Variants in DCLK3 observed in about 807,000 individuals in gnomAD.
DCLK3 encodes the protein serine/threonine-protein kinase DCLK3.
DCLK3 carries 30 observed loss-of-function variants against 46.4 expected under a neutral mutation model. That is an observed-to-expected ratio of 0.65 (90% CI 0.48 to 0.88). The LOEUF (loss-of-function observed/expected upper bound fraction) is 0.88, where lower values mean the gene tolerates loss of function less well. Ranked by LOEUF, DCLK3 falls within the 40% of genes least tolerant of loss-of-function variation. The probability of loss-of-function intolerance (pLI) is 0.00; values close to 1 mark genes in which losing one functional copy is unlikely to be tolerated. For missense variants in DCLK3, 846 were observed against 907.1 expected (o/e 0.93, Z 0.87); for synonymous variants, 401 against 339.2 (o/e 1.18, Z -2.00).
intron 1 of DCLK3, among the ~76,000 whole-genome samples, chr3:36,762,928 C>T (rs1285779216): frequency 6.6e-6 from 1 of 152,090 alleles, no homozygotes; most frequent in East Asian, 1.9e-4. Flanking sequence ...GTGAGGCAAA[C>T]CCAATACTCT....
chr3:36,744,836 C>A (rs1701379890), intron 1 of DCLK3, among the ~76,000 whole-genome samples: 1 of 152,168 alleles, frequency 6.6e-6, no homozygotes. Flanking sequence ...CTCCAGCAAA[C>A]CTAAGCAAAC....
intron 2 of DCLK3, among the ~76,000 whole-genome samples, chr3:36,736,958 C>G (rs1701270651): frequency 6.6e-6 from 1 of 152,150 alleles, no homozygotes. Context: ...ATTTTTCTCC[C>G]AGAGATGAAG....
intron 1 of DCLK3, among the ~76,000 whole-genome samples, chr3:36,744,935 C>T (rs772876650): frequency 6.6e-6 from 1 of 152,210 alleles, no homozygotes; most frequent in African/African-American, 2.4e-5. Context: ...AGTAACTGCA[C>T]CGGCATGGCA....
At position 36,738,425 on chromosome 3, in the gene DCLK3, T is replaced by C; in HGVS notation, c.742A>G (p.Ile248Val). The change falls in exon 2 of 5, where the codon ATC becomes GTC. Residue 248 changes from isoleucine (I) to valine (V), a missense_variant. By Grantham distance (29) the Ile-to-Val change is conservative (BLOSUM62 3). This residue lies in a region of DCLK3 where 553 missense variants were observed against 543.0 expected (regional missense o/e 1.02). Coordinates refer to ENST00000636136, the MANE Select transcript of DCLK3 (RefSeq NM_001394672.2). ...TCATCTAGTGAAAGCTCCTCGGGGA[T>C]CTTCCCCTGGTGCCTCATGGCTGCC... is the stretch of plus-strand genomic sequence containing the variant. The part of the protein sequence containing the change: ...CKAAMRHQGK[I>V]PEELSLDDRA... 6.8e-7 allele frequency: 1 copy of C among 1,477,142 alleles called. No individual in the cohort carries two copies. The highest frequency in any genetic ancestry group is 9.0e-7 in the Non-Finnish European group (1 of 1,115,054). The allele number at this position is 1,477,142 out of a possible 1,614,324, so 91.5% of individuals were successfully genotyped here. A position where few individuals can be genotyped will look rare whatever the true frequency, so the allele number is the denominator to read the frequency against.
chr3:36,722,023 T>C (rs1210998051), intron 2 of DCLK3, among the ~76,000 whole-genome samples: 1 of 152,152 alleles, frequency 6.6e-6, no homozygotes, highest in Non-Finnish European at 1.5e-5. Context: ...GAAACACAGA[T>C]AGACACACTT....
intron 1 of DCLK3, among the ~76,000 whole-genome samples, chr3:36,741,434 G>A (rs1197632802): frequency 2.6e-5 from 4 of 152,164 alleles, no homozygotes; most frequent in Admixed American, 6.5e-5. Context: ...AGCAGATGTG[G>A]GAAAAGGATA....
At chr3:36,731,066 G>T (rs1401072167) in intron 2 of DCLK3, among the ~76,000 whole-genome samples, 2 of 152,114 alleles carry the variant, frequency 1.3e-5, no homozygotes, top group East Asian at 3.9e-4. Context: ...ATGTGAATGC[G>T]AAGGGAAGCT....
intron 1 of DCLK3, among the ~76,000 whole-genome samples, chr3:36,748,395 G>A (rs537203936): frequency 6.6e-6 from 1 of 152,274 alleles, no homozygotes; most frequent in South Asian, 2.1e-4. Flanking sequence ...GTGAAGCTCT[G>A]GGACCCAGGT....
At chr3:36,728,702 T>C (rs1158722309) in intron 2 of DCLK3, among the ~76,000 whole-genome samples, 8 of 152,222 alleles carry the variant, frequency 5.3e-5, no homozygotes, top group Non-Finnish European at 1.0e-4. Flanking sequence ...CAGCCAGTCA[T>C]GGGACTCCTC....
chr3:36,741,321 A>C (rs1701342011), intron 1 of DCLK3, among the ~76,000 whole-genome samples: 1 of 152,202 alleles, frequency 6.6e-6, no homozygotes, highest in South Asian at 2.1e-4. Context: ...CTTGATACAT[A>C]CTGTCAGACT....
At position 36,737,400 on chromosome 3, in the gene DCLK3, G is replaced by A; in HGVS notation, c.1767C>T (p.Val589=). 1 of 1,614,168 alleles carries A rather than the reference G, an allele frequency of 6.2e-7. No individual in the cohort carries two copies. The highest frequency in any genetic ancestry group is 1.3e-5 in the African/African-American group (1 of 75,042). The change falls in exon 2 of 5, where the codon GTC becomes GTT. Residue 589 remains valine (V), a synonymous_variant. Coordinates refer to ENST00000636136, the MANE Select transcript of DCLK3 (RefSeq NM_001394672.2). The surrounding 1 kb of genome is among the most constrained non-coding windows in gnomAD (Gnocchi z 4.4). ...GGTAGATTTCCATGTCTGTTTCGTA[G>A]ACTTCATGCAATTTCACGATGTTGG... ...SHPNIVKLHE[V]YETDMEIYLI...
chr3:36,749,261 G>A (rs1052278471), intron 1 of DCLK3, among the ~76,000 whole-genome samples: 2 of 152,216 alleles, frequency 1.3e-5, no homozygotes, highest in African/African-American at 4.8e-5. Context: ...CATTTGGAAG[G>A]GGAGCCTTCA....
chr3:36,748,939 TTC>T (rs939007744), intron 1 of DCLK3, among the ~76,000 whole-genome samples: 1 of 152,108 alleles, frequency 6.6e-6, no homozygotes, highest in Non-Finnish European at 1.5e-5. Context: ...TGCGTTGTCT[TTC>T]TCTGAGACAT....
chr3:36,747,360 C>T (rs1394106145), intron 1 of DCLK3, among the ~76,000 whole-genome samples: 4 of 151,626 alleles, frequency 2.6e-5, no homozygotes, highest in East Asian at 1.9e-4. Flanking sequence ...ACTTATATAC[C>T]ATTTTAACAA....
Position 36,737,294 on chromosome 3 carries a change from G to A in DCLK3, c.1873C>T (p.Leu625Phe), listed in dbSNP as rs1470359055. 6.2e-7 allele frequency: 1 copy of A among 1,614,162 alleles called. No individual in the cohort carries two copies. ...SVKFPEPDAA[L>F]MIMDLCKALV... ...GCTTTGCATAAGTCCATGATCATGA[G>A]GGCAGCATCGGGCTCCGGGAACTTC... is the stretch of plus-strand genomic sequence containing the variant. The change falls in exon 2 of 5, where the codon CTC (leucine) becomes TTC (phenylalanine). Residue 625 changes from leucine to phenylalanine, a missense_variant. This residue lies in a region of DCLK3 where 247 missense variants were observed against 322.8 expected (regional missense o/e 0.77). Coordinates refer to ENST00000636136, the MANE Select transcript of DCLK3 (RefSeq NM_001394672.2). The surrounding 1 kb of genome is among the most constrained non-coding windows in gnomAD (Gnocchi z 4.4).
At position 36,712,620 on chromosome 3, in the gene DCLK3, T is replaced by C. The variant is rs934897686; in HGVS notation, c.*2708A>G. 5 of 152,194 alleles carry C rather than the reference T, an allele frequency of 3.3e-5. No individual in the cohort carries two copies. The highest frequency in any genetic ancestry group is 1.2e-4 in the African/African-American group (5 of 41,460). 9.4% of individuals were successfully genotyped at this position (152,194 alleles called of 1,614,324 possible). On this transcript the variant is annotated 3_prime_UTR_variant, in exon 5 of 5. Coordinates refer to ENST00000636136, the MANE Select transcript of DCLK3 (RefSeq NM_001394672.2). ...TGTCCCTCCTCTCCCCATTTCCATC[T>C]CCAGCAAACCCCCTGATCACTTTCT...
At chr3:36,718,241 T>C in intron 3 of DCLK3, 64 bp from the exon 4 acceptor site, 5 of 1,603,690 alleles carry the variant, frequency 3.1e-6, no homozygotes, top group Middle Eastern at 2.2e-4. Context: ...GGTGATGAAA[T>C]AAATGATGGA....
intron 1 of DCLK3, among the ~76,000 whole-genome samples, chr3:36,760,575 A>G (rs976483024): frequency 6.6e-6 from 1 of 152,108 alleles, no homozygotes; most frequent in African/African-American, 2.4e-5. Context: ...ATGTATACAT[A>G]TGTAACTAAC....
Position 36,738,421 on chromosome 3 carries a change from G to A in DCLK3, c.746C>T (p.Pro249Leu), listed in dbSNP as rs750808652. The A allele has an allele frequency of 6.1e-6, 9 of 1,477,406 alleles. No homozygotes were observed. The highest frequency in any genetic ancestry group is 7.2e-6 in the Non-Finnish European group (8 of 1,115,358). The allele number at this position is 1,477,406 out of a possible 1,614,324, so 91.5% of individuals were successfully genotyped here. Residue 249 changes from proline to leucine, a missense_variant, in exon 2 of 5, where the codon CCC becomes CTC. This residue lies in a region of DCLK3 where 553 missense variants were observed against 543.0 expected (regional missense o/e 1.02). Transcript: ENST00000636136. Reference protein sequence around the residue: ...KAAMRHQGKIPEELSLDDRAR... With the variant: ...KAAMRHQGKILEELSLDDRAR... ...TCTGTCATCTAGTGAAAGCTCCTCG[G>A]GGATCTTCCCCTGGTGCCTCATGGC...
Sources: gnomAD v4.1 joint callset for allele counts (sites outside exome capture counted in the v4.1 genomes callset) on GRCh38, gnomAD v4.1.1 for gene constraint, gnomAD v4.1.1 regional missense constraint, Gnocchi (gnomAD v3.1) non-coding constraint, MANE v1.5 for transcripts, NCBI Gene and HGNC (gene_info 2026-07-23, HGNC 2026-07-21) for gene names.